Variants in PCDHGB7 observed in about 807,000 individuals in gnomAD.
The protein encoded by PCDHGB7 is protocadherin gamma subfamily B, 7.
In PCDHGB7, 37 loss-of-function variants were observed where a neutral mutation model predicts 61.4. The ratio of observed to expected loss-of-function variants is 0.60; its 90% CI spans 0.46 to 0.79. PCDHGB7 has a LOEUF of 0.79. Ranked by LOEUF, PCDHGB7 falls within the 30% of genes least tolerant of loss-of-function variation. The pLI, the probability that PCDHGB7 is intolerant of heterozygous loss-of-function variation, is 0.00. For synonymous variants in PCDHGB7, 464 were observed against 503.5 expected (o/e 0.92, Z 1.05); for missense variants, 1,166 against 1,202.5 (o/e 0.97, Z 0.45).
At chr5:141,451,880 A>G (rs1322052501) in intron 1 of PCDHGB7, among the ~76,000 whole-genome samples, 1 of 152,106 alleles carries the variant, frequency 6.6e-6, no homozygotes, top group East Asian at 1.9e-4. Flanking sequence ...AACCCTGTCA[A>G]GAAAGAAAGG....
rs1054012796 is a variant in PCDHGB7 at position 141,420,071 on chromosome 5, G to C, written c.2212G>C (p.Val738Leu). The C allele has an allele frequency of 6.2e-7, 1 of 1,614,050 alleles. No individual in the cohort carries two copies. Residue 738 changes from valine to leucine, a missense_variant, in exon 1 of 4, where the codon GTG becomes CTG. Coordinates refer to ENST00000398594, the MANE Select transcript of PCDHGB7 (RefSeq NM_018927.4). ...AGTTCTCTGCTCCAAGTCCGGACCT[G>C]TGGGTCCCCCCAACTACAGTGAGGG... ...ESVLCSKSGPVGPPNYSEGTL... is the reference protein window; with the variant it reads ...ESVLCSKSGPLGPPNYSEGTL...
intron 1 of PCDHGB7, among the ~76,000 whole-genome samples, chr5:141,454,194 G>A (rs949915652): frequency 6.6e-5 from 10 of 152,304 alleles, no homozygotes; most frequent in Non-Finnish European, 4.4e-5. Context: ...CTTAGTGAAG[G>A]TGAATTTATT....
At chr5:141,427,957 C>A in intron 1 of PCDHGB7, 2 of 1,588,400 alleles carry the variant, frequency 1.3e-6, no homozygotes, top group Non-Finnish European at 1.7e-6. Flanking sequence ...GACAATGTGC[C>A]GCGGGTGCTG....
Position 141,431,435 on chromosome 5 carries a change from G to T in PCDHGB7, c.2415+11161G>T. On this transcript the variant is annotated intron_variant, in intron 1 of 3. Coordinates refer to ENST00000398594, the MANE Select transcript of PCDHGB7 (RefSeq NM_018927.4). This position sits in a 1 kb window ranked among gnomAD's most constrained non-coding sequence, Gnocchi z 4.8. The stretch of plus-strand genomic sequence containing the variant: ...GGGCGACCCGGTGCGCACAGGCACC[G>T]CGCGCATCCGCGTGATGGTTCTGGA... The T allele has an allele frequency of 6.2e-7, 1 of 1,613,668 alleles. No individual in the cohort carries two copies. Among genetic ancestry groups the T allele is most frequent in the Non-Finnish European group, 8.5e-7 (1 of 1,180,026 alleles).
chr5:141,423,141 G>T (rs2096714253), intron 1 of PCDHGB7: 6 of 1,613,580 alleles, frequency 3.7e-6, no homozygotes, highest in East Asian at 2.2e-5. Context: ...ACAGAGACGC[G>T]CTCAAGCAGA....
intron 1 of PCDHGB7, among the ~76,000 whole-genome samples, chr5:141,464,094 G>A (rs540562188): frequency 7.4e-4 from 112 of 151,988 alleles, no homozygotes; most frequent in Non-Finnish European, 1.1e-3. Context: ...GTGAAACTCC[G>A]TCTCTACTAA....
At chr5:141,459,245 C>G (rs1040972875) in intron 1 of PCDHGB7, among the ~76,000 whole-genome samples, 1 of 152,180 alleles carries the variant, frequency 6.6e-6, no homozygotes, top group African/African-American at 2.4e-5. Context: ...TGCTTCCTGT[C>G]ACTATAAATT....
At position 141,444,986 on chromosome 5, in the gene PCDHGB7, T is replaced by C. The variant is rs990862582; in HGVS notation, c.2415+24712T>C. On this transcript the variant is annotated intron_variant, in intron 1 of 3. Transcript: ENST00000398594. ...TGACACTTCAAATCCATGAACATGG[T>C]ATATATTTCCATTTAATTAGGTCTT... Among the ~76,000 whole-genome samples, 4 of 152,206 alleles carry C rather than the reference T, an allele frequency of 2.6e-5. No individual in the cohort carries two copies. The East Asian group carries it at 7.7e-4, about 29-fold the overall frequency.
At position 141,487,147 on chromosome 5, in the gene PCDHGB7, T is replaced by C; in HGVS notation, c.2416-7660T>C. 1 of 1,614,122 alleles carries C rather than the reference T, an allele frequency of 6.2e-7. No individual in the cohort carries two copies. Among genetic ancestry groups the C allele is most frequent in the Non-Finnish European group, 8.5e-7 (1 of 1,179,952 alleles). On this transcript the variant is annotated intron_variant, in intron 1 of 3. Transcript: ENST00000398594. This position sits in a 1 kb window ranked among gnomAD's most constrained non-coding sequence, Gnocchi z 5.0. ...GTGGTAGTCCACCACTCTCTACCTC[T>C]GTTACTCTCTTAGTGTCCTTAGAGG...
Position 141,489,091 on chromosome 5 carries a change from T to A in PCDHGB7, c.2416-5716T>A. 1.9e-4 allele frequency: 63 copies of A among 332,802 alleles called. No individual in the cohort carries two copies. Among genetic ancestry groups the A allele is most frequent in the East Asian group, 2.9e-4 (6 of 20,542 alleles). The allele number at this position is 332,802 out of a possible 1,614,324, so 20.6% of individuals were successfully genotyped here. A position where few individuals can be genotyped will look rare whatever the true frequency, so the allele number is the denominator to read the frequency against. ...CTGCCCACCCCCGCCACTCGGTGAC[T>A]AAGAACTGCTGCAAGCAGGCAAACC... On this transcript the variant is annotated intron_variant, in intron 1 of 3. Transcript: ENST00000398594. This position sits in a 1 kb window ranked among gnomAD's most constrained non-coding sequence, Gnocchi z 4.5.
intron 1 of PCDHGB7, chr5:141,421,165 T>C: frequency 7.7e-7 from 1 of 1,297,018 alleles, no homozygotes; most frequent in Non-Finnish European, 1.0e-6. Flanking sequence ...ACTTCATAGA[T>C]ACATAAGCCG....
intron 3 of PCDHGB7, among the ~76,000 whole-genome samples, chr5:141,510,657 G>A (rs1388054630): frequency 6.6e-6 from 1 of 152,156 alleles, no homozygotes; most frequent in Non-Finnish European, 1.5e-5. Context: ...CCATTTTGCA[G>A]ATGAGAAAAC....
chr5:141,422,432 A>G, intron 1 of PCDHGB7: 1 of 1,609,448 alleles, frequency 6.2e-7, no homozygotes, highest in Non-Finnish European at 8.5e-7. Context: ...TATGGAAATT[A>G]TTACAAATTG....
chr5:141,451,001 A>G (rs909477017), intron 1 of PCDHGB7, among the ~76,000 whole-genome samples: 1 of 148,266 alleles, frequency 6.7e-6, no homozygotes, highest in African/African-American at 2.5e-5. Context: ...ATTTTTTTGT[A>G]TTTTTTTTAG....
At position 141,511,235 on chromosome 5, in the gene PCDHGB7, C is replaced by G; in HGVS notation, c.*62C>G. On this transcript the variant is annotated 3_prime_UTR_variant, in exon 4 of 4. Transcript: ENST00000398594. ...CCCCAACCAGCCCAGCTTCTCCTTA[C>G]CTGCACCCAGGCCTCAGAGTTTCAG... 2 of 1,592,936 alleles carry G rather than the reference C, an allele frequency of 1.3e-6. No homozygotes were observed. The highest frequency in any genetic ancestry group is 1.7e-6 in the Non-Finnish European group (2 of 1,169,652).
chr5:141,475,947 C>A, intron 1 of PCDHGB7: 1 of 748,120 alleles, frequency 1.3e-6, no homozygotes, highest in Non-Finnish European at 2.1e-6. Context: ...CGTCCCCTTT[C>A]TGCGCCCCGG....
intron 1 of PCDHGB7, chr5:141,427,790 C>G: frequency 6.7e-7 from 1 of 1,482,224 alleles, no homozygotes; most frequent in South Asian, 1.1e-5. Flanking sequence ...TGTCGTCCTA[C>G]GTGTCCGTGA....
chr5:141,478,302 C>T lies in PCDHGB7; in HGVS notation c.2416-16505C>T. On this transcript the variant is annotated intron_variant, in intron 1 of 3. Transcript: ENST00000398594. ...AAGCAGTCTAGAGACCTATACCGAG[C>T]CCCGGTGAGCTCACTGTACCGAACA... 4 of 1,614,070 alleles carry T rather than the reference C, an allele frequency of 2.5e-6. No individual in the cohort carries two copies. Among genetic ancestry groups the T allele is most frequent in the Non-Finnish European group, 3.4e-6 (4 of 1,180,038 alleles).
In PCDHGB7 at chr5:141,486,563, G is replaced by A. The variant is rs558244990; in HGVS notation, c.2416-8244G>A. The A allele has an allele frequency of 1.2e-6, 2 of 1,614,006 alleles. No homozygotes were observed. The highest frequency in any genetic ancestry group is 1.7e-6 in the Non-Finnish European group (2 of 1,180,036). On this transcript the variant is annotated intron_variant, in intron 1 of 3. Coordinates refer to ENST00000398594, the MANE Select transcript of PCDHGB7 (RefSeq NM_018927.4). The surrounding 1 kb of genome is among the most constrained non-coding windows in gnomAD (Gnocchi z 5.0). ...CTTTCAGAGGTCACATGAGGTGTTTGTTCCTGAGAACAATCGCCCAGGGGA... is the reference window on the plus strand; with the variant it reads ...CTTTCAGAGGTCACATGAGGTGTTTATTCCTGAGAACAATCGCCCAGGGGA...
Sources: gnomAD v4.1 joint callset for allele counts (sites outside exome capture counted in the v4.1 genomes callset) on GRCh38, gnomAD v4.1.1 for gene constraint, Gnocchi (gnomAD v3.1) non-coding constraint, MANE v1.5 for transcripts, NCBI Gene and HGNC (gene_info 2026-07-23, HGNC 2026-07-21) for gene names.